The following PALM2AKAP2 variants were observed in gnomAD, a reference collection of about 807,000 sequenced individuals.
PALM2AKAP2 encodes the protein PALM2 and AKAP2 fusion.
A neutral mutation model predicts 71.5 loss-of-function variants in PALM2AKAP2; 37 were observed. That is an observed-to-expected ratio of 0.52 (90% CI 0.40 to 0.68). The LOEUF is 0.68. PALM2AKAP2 is among the 30% of genes least tolerant of loss of function. The probability of loss-of-function intolerance (pLI) is 0.00; values close to 1 mark genes in which losing one functional copy is unlikely to be tolerated. For missense variants in PALM2AKAP2, 1,224 were observed against 1,191.8 expected (o/e 1.03, Z -0.40); for synonymous variants, 468 against 478.8 (o/e 0.98, Z 0.29).
At chr9:110,005,201 T>C (rs921937565) in intron 6 of PALM2AKAP2, among the ~76,000 whole-genome samples, 2 of 152,178 alleles carry the variant, frequency 1.3e-5, no homozygotes, top group African/African-American at 4.8e-5. Flanking sequence ...CAGATGGGGT[T>C]TTGGTGTGGA....
chr9:110,124,616 G>A (rs1315467519), intron 1 of PALM2AKAP2, among the ~76,000 whole-genome samples: 3 of 152,196 alleles, frequency 2.0e-5, no homozygotes, highest in African/African-American at 7.2e-5. Context: ...GTTAGACTTA[G>A]TGTAGTGCTG....
chr9:109,686,645 TA>T (rs1827809131), intron 1 of PALM2AKAP2, among the ~76,000 whole-genome samples: 1 of 152,164 alleles, frequency 6.6e-6, no homozygotes, highest in African/African-American at 2.4e-5. Context: ...TTTATTTTTT[TA>T]CTTTTATTTT....
intron 3 of PALM2AKAP2, among the ~76,000 whole-genome samples, chr9:109,898,545 A>T (rs1351579630): frequency 4.6e-5 from 7 of 152,224 alleles, no homozygotes; most frequent in African/African-American, 1.7e-4. Flanking sequence ...TTATTAGGAC[A>T]TACTCACTAT....
chr9:110,170,639 G>A (rs1376356364), exon 4 of PALM2AKAP2: 1 of 152,222 alleles, frequency 6.6e-6, no homozygotes, highest in Non-Finnish European at 1.5e-5. Flanking sequence ...TCAACAAAAT[G>A]TGCTAGCCAC....
chr9:109,749,411 A>G (rs1161823952), intron 1 of PALM2AKAP2, among the ~76,000 whole-genome samples: 1 of 152,024 alleles, frequency 6.6e-6, no homozygotes. Flanking sequence ...TCTTGTCTAG[A>G]TTGCTGCTGG....
At chr9:109,937,090 G>T (rs900492089) in intron 6 of PALM2AKAP2, among the ~76,000 whole-genome samples, 8 of 152,244 alleles carry the variant, frequency 5.3e-5, no homozygotes, top group African/African-American at 1.9e-4. Context: ...CCTTGCAGTT[G>T]CTTTCACTCT....
intron 2 of PALM2AKAP2, among the ~76,000 whole-genome samples, chr9:109,878,879 A>C (rs991088545): frequency 6.6e-6 from 1 of 152,176 alleles, no homozygotes; most frequent in Non-Finnish European, 1.5e-5. Flanking sequence ...CTGGGATTAC[A>C]GGCGCATGCC....
At chr9:110,138,062 G>A in exon 2 of PALM2AKAP2, 4 of 1,574,990 alleles carry the variant, frequency 2.5e-6, no homozygotes, top group Non-Finnish European at 3.4e-6. Flanking sequence ...GACTGTAGAG[G>A]AAGCTGAAGC....
chr9:109,941,145 CTTTTTTTTT>C (rs34635858), intron 6 of PALM2AKAP2, among the ~76,000 whole-genome samples: 180 of 106,284 alleles, frequency 1.7e-3, no homozygotes, highest in South Asian at 5.0e-3. Flanking sequence ...TCTTCCTCTT[CTTTTTTTTT>C]TTTTTTTTTT....
intron 1 of PALM2AKAP2, among the ~76,000 whole-genome samples, chr9:109,669,784 A>C (rs908105147): frequency 2.0e-5 from 3 of 152,062 alleles, no homozygotes; most frequent in Non-Finnish European, 4.4e-5. Context: ...AGGAATCTAT[A>C]CTGATGCCCC....
At chr9:110,055,466 G>A (rs567657172) in intron 1 of PALM2AKAP2, among the ~76,000 whole-genome samples, 29 of 152,276 alleles carry the variant, frequency 1.9e-4, no homozygotes, top group African/African-American at 6.7e-4. Flanking sequence ...CAAAATGTTG[G>A]GATTACAGGC....
chr9:110,045,578 C>CTT (rs11412908), upstream of PALM2AKAP2, among the ~76,000 whole-genome samples: 1 of 150,954 alleles, frequency 6.6e-6, no homozygotes, highest in African/African-American at 2.4e-5. Context: ...TTTTCTTTCT[C>CTT]TTTTTTTTTG....
chr9:109,794,000 C>A (rs972132794), intron 1 of PALM2AKAP2, among the ~76,000 whole-genome samples: 3 of 152,242 alleles, frequency 2.0e-5, no homozygotes, highest in Non-Finnish European at 4.4e-5. Flanking sequence ...CTTTGCCAAC[C>A]CCTGCTTTCT....
intron 1 of PALM2AKAP2, among the ~76,000 whole-genome samples, chr9:109,846,153 G>A (rs1490277280): frequency 1.3e-5 from 2 of 151,918 alleles, no homozygotes; most frequent in Non-Finnish European, 2.9e-5. Flanking sequence ...AGCCGGGTAG[G>A]ACAGCAGGTC....
intron 1 of PALM2AKAP2, among the ~76,000 whole-genome samples, chr9:110,063,197 AC>A (rs150918760): frequency 0.097 from 14,727 of 152,186 alleles, 730 homozygotes; most frequent in Middle Eastern, 0.2. Context: ...AGAAAGGCAT[AC>A]ATCTGTCTCC....
chr9:109,853,572 T>A (rs1490034932), intron 1 of PALM2AKAP2, among the ~76,000 whole-genome samples: 2 of 152,238 alleles, frequency 1.3e-5, no homozygotes, highest in African/African-American at 2.4e-5. Context: ...TCTCTCTTTT[T>A]TAAAAGCAAT....
intron 1 of PALM2AKAP2, among the ~76,000 whole-genome samples, chr9:109,748,613 C>A (rs1205165811): frequency 6.6e-6 from 1 of 152,180 alleles, no homozygotes; most frequent in African/African-American, 2.4e-5. Flanking sequence ...GTCATGTGTC[C>A]TATCTGTCAT....
At chr9:110,158,644 T>C (rs1836521596) in intron 3 of PALM2AKAP2, among the ~76,000 whole-genome samples, 1 of 152,216 alleles carries the variant, frequency 6.6e-6, no homozygotes, top group African/African-American at 2.4e-5. Flanking sequence ...ATATGCTGAT[T>C]GCCCTTCACT....
chr9:109,984,089 C>T (rs1588044405), intron 6 of PALM2AKAP2, among the ~76,000 whole-genome samples: 1 of 152,132 alleles, frequency 6.6e-6, no homozygotes, highest in South Asian at 2.1e-4. Context: ...CATCTTTTTT[C>T]TTCAGTCTTG....
Sources: gnomAD v4.1 joint callset for allele counts (sites outside exome capture counted in the v4.1 genomes callset) on GRCh38, gnomAD v4.1.1 for gene constraint, MANE v1.5 for transcripts, NCBI Gene and HGNC (gene_info 2026-07-23, HGNC 2026-07-21) for gene names.